The following INPP5D variants were observed in gnomAD, a reference collection of about 807,000 sequenced individuals.
The protein encoded by INPP5D is inositol polyphosphate-5-phosphatase D.
Under a neutral mutation model 122.9 loss-of-function variants are expected in INPP5D, and 33 were observed. The ratio of observed to expected loss-of-function variants is 0.27; its 90% CI spans 0.20 to 0.36. The LOEUF is 0.36. Ranked by LOEUF, INPP5D falls within the 10% of genes least tolerant of loss-of-function variation. The pLI is 1.00. For missense variants in INPP5D, 1,053 were observed against 1,412.7 expected (o/e 0.75, Z 4.08); for synonymous variants, 584 against 576.2 (o/e 1.01, Z -0.19).
intron 9 of INPP5D, among the ~76,000 whole-genome samples, chr2:233,155,413 A>C (rs979278230): frequency 6.6e-6 from 1 of 152,142 alleles, no homozygotes; most frequent in Admixed American, 6.5e-5. Context: ...ACTTGAGGTC[A>C]GGAGTTCAAG....
At chr2:233,118,386 C>T (rs552486749) in intron 2 of INPP5D, among the ~76,000 whole-genome samples, 2 of 152,296 alleles carry the variant, frequency 1.3e-5, no homozygotes, top group East Asian at 1.9e-4. Flanking sequence ...ACCACCCACC[C>T]GTCTAGACCA....
chr2:233,132,885 A>AT (rs35276718), intron 5 of INPP5D, among the ~76,000 whole-genome samples: 44,216 of 118,026 alleles, frequency 0.37, 8,996 homozygotes, highest in Non-Finnish European at 0.48. Flanking sequence ...ATGAACAAGA[A>AT]TTTTTTTTTT....
chr2:233,094,346 C>T (rs574462535), intron 2 of INPP5D, among the ~76,000 whole-genome samples: 26 of 151,522 alleles, frequency 1.7e-4, no homozygotes, highest in Admixed American at 1.6e-3. Flanking sequence ...AACCCCGTCT[C>T]TACTAAAATT....
intron 2 of INPP5D, among the ~76,000 whole-genome samples, chr2:233,088,136 C>T (rs1691900362): frequency 6.6e-6 from 1 of 152,108 alleles, no homozygotes; most frequent in Non-Finnish European, 1.5e-5. Context: ...CCACCACCCC[C>T]GACTAATTTT....
At chr2:233,136,452 C>T (rs1693466174) in intron 5 of INPP5D, among the ~76,000 whole-genome samples, 1 of 149,142 alleles carries the variant, frequency 6.7e-6, no homozygotes, top group Admixed American at 6.8e-5. Flanking sequence ...GTGCTCCAGG[C>T]TGGATGACAG....
chr2:233,125,735 T>A lies in INPP5D; in HGVS notation c.350-10T>A. On this transcript the variant is annotated splice_polypyrimidine_tract_variant and intron_variant, in intron 3 of 26. Coordinates refer to ENST00000445964, the MANE Select transcript of INPP5D (RefSeq NM_001017915.3). ...GTCCTCACCAATGGCCTTCCTGCTG[T>A]TCTCTCCAGTAGAAAGTGTCGTGTC... 1 of 1,610,110 alleles carries A rather than the reference T, an allele frequency of 6.2e-7. No homozygotes were observed. Among genetic ancestry groups the A allele is most frequent in the Admixed American group, 1.7e-5 (1 of 59,596 alleles).
chr2:233,122,295 G>A (rs1318175901), intron 3 of INPP5D, 38 bp downstream of exon 3: 1 of 1,598,202 alleles, frequency 6.3e-7, no homozygotes, highest in South Asian at 1.1e-5. Flanking sequence ...AGGTACTTTT[G>A]GGAACTTGCC....
At chr2:233,165,853 T>C (rs1694320617) in intron 13 of INPP5D, among the ~76,000 whole-genome samples, 1 of 31,754 alleles carries the variant, frequency 3.1e-5, no homozygotes, top group Admixed American at 2.7e-4. Context: ...TGTGTGTTTG[T>C]GTGTGTGTGT....
In INPP5D at chr2:233,197,316, C is replaced by T. The variant is rs1235895078; in HGVS notation, c.2694-779C>T. On this transcript the variant is annotated intron_variant, in intron 24 of 26. Transcript: ENST00000445964. This position sits in a 1 kb window ranked among gnomAD's most constrained non-coding sequence, Gnocchi z 4.4. The stretch of plus-strand genomic sequence containing the variant: ...ATTGCCCCCAATTCCAGGCTCCAAC[C>T]TTGATCTCTGTGACCTCACACTCAT... Among the ~76,000 whole-genome samples the T allele has an allele frequency of 6.6e-6, 1 of 152,212 alleles. No homozygotes were observed. The highest frequency in any genetic ancestry group is 2.4e-5 in the African/African-American group (1 of 41,446).
intron 5 of INPP5D, among the ~76,000 whole-genome samples, chr2:233,136,956 G>A (rs1044706133): frequency 3.9e-5 from 6 of 152,116 alleles, no homozygotes; most frequent in Admixed American, 3.9e-4. Flanking sequence ...CATAGTTTAC[G>A]TAAAATATAA....
In INPP5D at chr2:233,183,133, C is replaced by T. The variant is rs924655528; in HGVS notation, c.2161+634C>T. Among the ~76,000 whole-genome samples, 1 of 152,128 alleles carries T rather than the reference C, an allele frequency of 6.6e-6. No individual in the cohort carries two copies. Among genetic ancestry groups the T allele is most frequent in the African/African-American group, 2.4e-5 (1 of 41,432 alleles). On this transcript the variant is annotated intron_variant, in intron 19 of 26. Coordinates refer to ENST00000445964, the MANE Select transcript of INPP5D (RefSeq NM_001017915.3). This position sits in a 1 kb window ranked among gnomAD's most constrained non-coding sequence, Gnocchi z 4.6. ...TCCAGCTCAGCCCTGGTTGCCAGGC[C>T]ACCCTCATCCCAGCTGGGCCAGGTG...
At chr2:233,127,939 T>C (rs1348328068) in intron 4 of INPP5D, among the ~76,000 whole-genome samples, 1 of 152,230 alleles carries the variant, frequency 6.6e-6, no homozygotes, top group Non-Finnish European at 1.5e-5. Context: ...TAGAACTGCC[T>C]GTAATACAGA....
chr2:233,104,480 A>G (rs773250782), intron 2 of INPP5D, among the ~76,000 whole-genome samples: 2 of 152,150 alleles, frequency 1.3e-5, no homozygotes, highest in Non-Finnish European at 2.9e-5. Context: ...CACGGGACAG[A>G]GGCCCTGCTA....
At position 233,082,160 on chromosome 2, in the gene INPP5D, A is replaced by G. The variant is rs1691709310; in HGVS notation, c.198+2762A>G. Among the ~76,000 whole-genome samples, 1 of 152,044 alleles carries G rather than the reference A, an allele frequency of 6.6e-6. No individual in the cohort carries two copies. The highest frequency in any genetic ancestry group is 2.1e-4 in the South Asian group (1 of 4,820). On this transcript the variant is annotated intron_variant, in intron 2 of 26. Coordinates refer to ENST00000445964, the MANE Select transcript of INPP5D (RefSeq NM_001017915.3). This position sits in a 1 kb window ranked among gnomAD's most constrained non-coding sequence, Gnocchi z 4.7. ...GGGAGCTGTGGACCTAGGTGGTCTG[A>G]AGAGGTTTTCCTTCAAGGTGAATTA...
intron 1 of INPP5D, among the ~76,000 whole-genome samples, chr2:233,067,243 A>G (rs959351680): frequency 6.6e-6 from 1 of 152,226 alleles, no homozygotes; most frequent in Non-Finnish European, 1.5e-5. Flanking sequence ...CAGCAACTAA[A>G]TGACTTTTTG....
At chr2:233,138,777 G>A (rs146324572) in intron 5 of INPP5D, among the ~76,000 whole-genome samples, 3 of 151,500 alleles carry the variant, frequency 2.0e-5, no homozygotes, top group Admixed American at 6.6e-5. Context: ...CAAGAGTCTC[G>A]CTCTGTCGCC....
rs1332150405 is a variant in INPP5D at position 233,183,868 on chromosome 2, G to A, written c.2162-540G>A. 1.3e-5 allele frequency among the ~76,000 whole-genome samples: 2 copies of A among 152,244 alleles called. No individual in the cohort carries two copies. Among genetic ancestry groups the A allele is most frequent in the African/African-American group, 2.4e-5 (1 of 41,470 alleles). ...ATTTCTATGAAAGGACAGAACACTTGTTTAAAAGCAGCTTAAGGATGCTTG... is the reference window on the plus strand; with the variant it reads ...ATTTCTATGAAAGGACAGAACACTTATTTAAAAGCAGCTTAAGGATGCTTG... On this transcript the variant is annotated intron_variant, in intron 19 of 26. Coordinates refer to ENST00000445964, the MANE Select transcript of INPP5D (RefSeq NM_001017915.3). The surrounding 1 kb of genome is among the most constrained non-coding windows in gnomAD (Gnocchi z 4.6).
intron 6 of INPP5D, among the ~76,000 whole-genome samples, chr2:233,143,841 T>C (rs1280829636): frequency 6.7e-6 from 1 of 150,122 alleles, no homozygotes; most frequent in African/African-American, 2.5e-5. Context: ...ATGGTGATGG[T>C]AGAGGTGGTC....
At chr2:233,153,208 C>G (rs906552246) in intron 9 of INPP5D, among the ~76,000 whole-genome samples, 1 of 152,208 alleles carries the variant, frequency 6.6e-6, no homozygotes, top group Non-Finnish European at 1.5e-5. Flanking sequence ...GGCAACCGCA[C>G]AGTCCTGCGA....
Sources: gnomAD v4.1 joint callset for allele counts (sites outside exome capture counted in the v4.1 genomes callset) on GRCh38, gnomAD v4.1.1 for gene constraint, Gnocchi (gnomAD v3.1) non-coding constraint, MANE v1.5 for transcripts, NCBI Gene and HGNC (gene_info 2026-07-23, HGNC 2026-07-21) for gene names.